MTFMT: variants seen among roughly 807,000 people sequenced by gnomAD.
The protein encoded by MTFMT is mitochondrial methionyl-tRNA formyltransferase.
Under a neutral mutation model 51.8 loss-of-function variants are expected in MTFMT, and 47 were observed. That is an observed-to-expected ratio of 0.91 (90% CI 0.72 to 1.16). MTFMT has a LOEUF of 1.16. MTFMT is among the 50% of genes most tolerant of loss of function. The pLI is 0.00. For missense variants in MTFMT, 512 were observed against 482.3 expected, an observed-to-expected ratio of 1.06 and a Z score of -0.58; for synonymous variants, 196 against 176.7, an observed-to-expected ratio of 1.11 and a Z score of -0.87.
chr15:65,024,389 C>T (rs2086403467), intron 2 of MTFMT, among the ~76,000 whole-genome samples: 1 of 152,162 alleles, frequency 6.6e-6, no homozygotes, highest in African/African-American at 2.4e-5. Flanking sequence ...GCATTTATGA[C>T]TATAAGAGAA....
At chr15:65,015,049 G>T (rs920921675) in intron 6 of MTFMT, among the ~76,000 whole-genome samples, 5 of 150,512 alleles carry the variant, frequency 3.3e-5, no homozygotes, top group Non-Finnish European at 7.4e-5. Flanking sequence ...TTTGTTTAAT[G>T]AATGAATGAA....
At position 65,021,600 on chromosome 15, in the gene MTFMT, T is replaced by C. The variant is rs1358476870; in HGVS notation, c.559A>G (p.Ile187Val). The change falls in exon 4 of 9, where the codon ATT becomes GTT. Residue 187 changes from isoleucine (I) to valine (V), a missense_variant. Transcript: ENST00000220058. Reference protein sequence around the residue: ...IRPKRFDVGPILKQETVPVPP... With the variant: ...IRPKRFDVGPVLKQETVPVPP... The stretch of plus-strand genomic sequence containing the variant: ...ACAGGAACAGTTTCTTGTTTGAGAA[T>C]TGGGCCTACATCAAACCTAGCAAAA... 5 of 1,584,740 alleles carry C rather than the reference T, an allele frequency of 3.2e-6. No homozygotes were observed. The highest frequency in any genetic ancestry group is 3.3e-4 in the Middle Eastern group (2 of 5,974).
Position 65,029,578 on chromosome 15 carries a change from C to A in MTFMT, c.36G>T (p.Pro12=), listed in dbSNP as rs2140493855. 7.3e-6 allele frequency: 11 copies of A among 1,497,686 alleles called. No homozygotes were observed. The highest frequency in any genetic ancestry group is 9.8e-6 in the Non-Finnish European group (11 of 1,123,740). 92.8% of individuals were successfully genotyped at this position (1,497,686 alleles called of 1,614,324 possible). The change falls in exon 1 of 9, where the codon CCG becomes CCT. Residue 12 remains proline (P), a synonymous_variant. Transcript: ENST00000220058. ...RVLVRRCWGP[P]LAHGARRGRP... is the part of the protein sequence containing the mutation. ...TCCCACGCCTGGCGCCATGAGCCAG[C>A]GGAGGACCCCAACAGCGCCGCACCA... is the stretch of plus-strand genomic sequence containing the variant.
chr15:65,019,812 A>G (rs1435530481), intron 5 of MTFMT, among the ~76,000 whole-genome samples: 1 of 152,244 alleles, frequency 6.6e-6, no homozygotes, highest in Non-Finnish European at 1.5e-5. Context: ...AAGGCATACT[A>G]AACTACTTAG....
At chr15:65,026,564 T>C in intron 2 of MTFMT, 1 of 359,778 alleles carries the variant, frequency 2.8e-6, no homozygotes, top group African/African-American at 2.1e-5. Context: ...TTTAGAAAGA[T>C]GTTATTTCCT....
chr15:65,028,292 CG>C (rs1267661780), intron 1 of MTFMT, among the ~76,000 whole-genome samples: 1 of 152,152 alleles, frequency 6.6e-6, no homozygotes, highest in Non-Finnish European at 1.5e-5. Flanking sequence ...GGTGCACGCC[CG>C]TAGTCCTAGC....
At chr15:65,012,153 AAAAAAAG>A in intron 6 of MTFMT, among the ~76,000 whole-genome samples, 1 of 147,964 alleles carries the variant, frequency 6.8e-6, no homozygotes, top group Non-Finnish European at 1.5e-5. Flanking sequence ...AAAAAAAAAA[AAAAAAAG>A]GTGGGTGGGA....
intron 2 of MTFMT, among the ~76,000 whole-genome samples, chr15:65,024,300 G>A (rs1340401227): frequency 6.6e-6 from 1 of 152,130 alleles, no homozygotes; most frequent in Non-Finnish European, 1.5e-5. Flanking sequence ...ACTCCAGCCT[G>A]GGCAACAAGA....
At chr15:65,003,856 A>AAAAAAAAAAAAAAAAAAAAAAAAG (rs2086199173) in intron 8 of MTFMT, among the ~76,000 whole-genome samples, 1 of 149,550 alleles carries the variant, frequency 6.7e-6, no homozygotes, top group Non-Finnish European at 1.5e-5. Flanking sequence ...AAAAAAAAAA[A>AAAAAAAAAAAAAAAAAAAAAAAAG]AAAAAAAAAA....
In MTFMT at chr15:65,006,104, A is replaced by C; in HGVS notation, c.892+9T>G. On this transcript the variant is annotated intron_variant, in intron 7 of 8. Transcript: ENST00000220058. Reference sequence around the variant, plus strand: ...ACAGCTTCCATGTTAGCTATTCAAAAGTTAGTACCAGCAAGGACTGAACTG... The same window carrying C: ...ACAGCTTCCATGTTAGCTATTCAAACGTTAGTACCAGCAAGGACTGAACTG... The C allele has an allele frequency of 6.2e-7, 1 of 1,607,438 alleles. No individual in the cohort carries two copies. The highest frequency in any genetic ancestry group is 8.5e-7 in the Non-Finnish European group (1 of 1,174,780).
At chr15:65,019,732 G>C (rs1044257283) in intron 5 of MTFMT, among the ~76,000 whole-genome samples, 15 of 152,022 alleles carry the variant, frequency 9.9e-5, no homozygotes, top group Admixed American at 3.9e-4. Flanking sequence ...TAAATTTTTA[G>C]ACAATTAGGA....
At chr15:65,007,915 T>C (rs2086232298) in intron 6 of MTFMT, among the ~76,000 whole-genome samples, 1 of 152,190 alleles carries the variant, frequency 6.6e-6, no homozygotes, top group South Asian at 2.1e-4. Flanking sequence ...ATTTTTTCCA[T>C]GCATAAGTTT....
chr15:65,004,765 TAAGTG>T (rs575439456), intron 8 of MTFMT, 84 bp downstream of exon 8: 67 of 748,980 alleles, frequency 8.9e-5, no homozygotes, highest in African/African-American at 7.5e-4. Context: ...GACAGGCAGT[TAAGTG>T]AAGTTCCAAC....
chr15:65,001,533 CAAGT>C lies in MTFMT; in HGVS notation c.*1525_*1528del, dbSNP rs1595886537. 1 of 152,288 alleles carries C rather than the reference CAAGT, an allele frequency of 6.6e-6. No individual in the cohort carries two copies. Among genetic ancestry groups the C allele is most frequent in the East Asian group, 1.9e-4 (1 of 5,184 alleles). The allele number at this position is 152,288 out of a possible 1,614,324, so 9.4% of individuals were successfully genotyped here. On this transcript the variant is annotated 3_prime_UTR_variant, in exon 9 of 9. Transcript: ENST00000220058. The stretch of plus-strand genomic sequence containing the variant: ...CAGATGCTCAATAACCTTTATTGCA[CAAGT>C]AAGTTGAAAAATGTTAGCACGTTCC...
At chr15:65,024,137 A>G (rs2086400359) in intron 2 of MTFMT, among the ~76,000 whole-genome samples, 1 of 152,122 alleles carries the variant, frequency 6.6e-6, no homozygotes, top group Non-Finnish European at 1.5e-5. Flanking sequence ...GACCAGCCGG[A>G]CCAACATGGA....
intron 1 of MTFMT, 68 bp from the exon 2 acceptor site, chr15:65,027,108 T>A: frequency 9.3e-7 from 1 of 1,077,622 alleles, no homozygotes. Context: ...CTACTTCACA[T>A]ATCGCTAAGT....
At chr15:65,021,900 C>T (rs992736478) in intron 3 of MTFMT, among the ~76,000 whole-genome samples, 1 of 152,088 alleles carries the variant, frequency 6.6e-6, no homozygotes, top group Non-Finnish European at 1.5e-5. Flanking sequence ...GTTTGAAAGA[C>T]GGGAGAACAA....
chr15:65,016,361 T>C lies in MTFMT; in HGVS notation c.813+75A>G, dbSNP rs1374881718. The C allele has an allele frequency of 9.7e-6, 8 of 824,188 alleles. No homozygotes were observed. In the Admixed American group the frequency reaches 1.3e-4, roughly 14 times the overall value. 51.1% of individuals were successfully genotyped at this position (824,188 alleles called of 1,614,324 possible). On this transcript the variant is annotated intron_variant, in intron 6 of 8. Coordinates refer to ENST00000220058, the MANE Select transcript of MTFMT (RefSeq NM_139242.4). ...ATTTTTATTTGGGATTATTCCTAAA[T>C]AAAAATATTTAGAAAGCAAATTACA...
In MTFMT at chr15:65,002,962, CAAAAAA is replaced by C. The variant is rs398027674; in HGVS notation, c.*94_*99del. The C allele has an allele frequency of 3.1e-4, 102 of 325,678 alleles. No individual in the cohort carries two copies. The highest frequency in any genetic ancestry group is 1.1e-3 in the Admixed American group (12 of 10,896). The allele number at this position is 325,678 out of a possible 1,614,324, so 20.2% of individuals were successfully genotyped here. ...TGGGTGACAGAGTGAGACTCTGTCT[CAAAAAA>C]AAAAAAAAAAAAAAAAGTCCAGATA... On this transcript the variant is annotated 3_prime_UTR_variant, in exon 9 of 9. Transcript: ENST00000220058.
Sources: gnomAD v4.1 joint callset for allele counts (sites outside exome capture counted in the v4.1 genomes callset) on GRCh38, gnomAD v4.1.1 for gene constraint, MANE v1.5 for transcripts, NCBI Gene and HGNC (gene_info 2026-07-23, HGNC 2026-07-21) for gene names.